The following TTBK2 variants were observed in gnomAD, a reference collection of about 807,000 sequenced individuals.
TTBK2 encodes the protein tau tubulin kinase 2.
TTBK2 carries 28 observed loss-of-function variants against 110.8 expected under a neutral mutation model. That is an observed-to-expected ratio of 0.25 (90% confidence interval 0.19 to 0.35). The LOEUF is 0.35. Among genes scored for constraint, TTBK2 ranks in the 10% least tolerant of loss-of-function variants. The pLI is 1.00. For missense variants in TTBK2, 1,369 were observed against 1,500.3 expected (o/e 0.91, Z 1.45); for synonymous variants, 532 against 527.3 (o/e 1.01, Z -0.12).
At chr15:42,779,410 A>G (rs573688204) in intron 11 of TTBK2, among the ~76,000 whole-genome samples, 2 of 147,546 alleles carry the variant, frequency 1.4e-5, no homozygotes, top group East Asian at 3.9e-4. Flanking sequence ...CCCTGTCACA[A>G]AAAAAAAAAA....
At chr15:42,908,831 T>C (rs2030572604) in intron 1 of TTBK2, among the ~76,000 whole-genome samples, 1 of 152,188 alleles carries the variant, frequency 6.6e-6, no homozygotes, top group Non-Finnish European at 1.5e-5. Context: ...ATGTTCATAG[T>C]CACATTGTCC....
intron 1 of TTBK2, among the ~76,000 whole-genome samples, chr15:42,883,500 A>C (rs1053540501): frequency 2.0e-4 from 31 of 151,990 alleles, no homozygotes; most frequent in African/African-American, 7.5e-4. Flanking sequence ...TTTATATAAC[A>C]TTTAATATTT....
intron 10 of TTBK2, among the ~76,000 whole-genome samples, chr15:42,793,509 G>T (rs1357399476): frequency 6.6e-6 from 1 of 151,998 alleles, no homozygotes; most frequent in Non-Finnish European, 1.5e-5. Flanking sequence ...CCTATAAATA[G>T]CCACTGCACT....
chr15:42,860,603 C>A (rs1894115344), intron 3 of TTBK2, among the ~76,000 whole-genome samples: 1 of 149,602 alleles, frequency 6.7e-6, no homozygotes, highest in African/African-American at 2.5e-5. Context: ...GAGACCCCAT[C>A]TCCACAAAAA....
chr15:42,888,832 T>G (rs963325945), intron 1 of TTBK2, among the ~76,000 whole-genome samples: 7 of 152,204 alleles, frequency 4.6e-5, no homozygotes, highest in African/African-American at 1.7e-4. Flanking sequence ...GCAACACTTA[T>G]GCTGATAAGG....
intron 9 of TTBK2, among the ~76,000 whole-genome samples, chr15:42,810,101 A>T (rs1891642660): frequency 6.6e-6 from 1 of 152,164 alleles, no homozygotes; most frequent in Admixed American, 6.5e-5. Context: ...TTAGGGATGT[A>T]ATTTGTAGTA....
At chr15:42,852,219 C>T (rs1278593516) in intron 3 of TTBK2, among the ~76,000 whole-genome samples, 1 of 151,998 alleles carries the variant, frequency 6.6e-6, no homozygotes, top group Non-Finnish European at 1.5e-5. Flanking sequence ...CAGGTATGCA[C>T]CACCGGGCCC....
At chr15:42,841,114 G>T (rs557825832) in intron 3 of TTBK2, among the ~76,000 whole-genome samples, 1 of 152,302 alleles carries the variant, frequency 6.6e-6, no homozygotes, top group African/African-American at 2.4e-5. Context: ...CTGACCCGAA[G>T]GCAGTGGAAA....
intron 6 of TTBK2, among the ~76,000 whole-genome samples, chr15:42,824,849 G>T (rs74830920): frequency 0.021 from 3,116 of 151,748 alleles, 105 homozygotes; most frequent in African/African-American, 0.071. Flanking sequence ...AACTTGCACA[G>T]GTGCCCCAAA....
intron 1 of TTBK2, among the ~76,000 whole-genome samples, chr15:42,896,461 A>G (rs1895672332): frequency 6.6e-6 from 1 of 152,176 alleles, no homozygotes; most frequent in African/African-American, 2.4e-5. Context: ...ACAAAATGTA[A>G]CTCATAATGT....
chr15:42,747,549 A>G (rs2061810967), intron 14 of TTBK2, among the ~76,000 whole-genome samples: 2 of 152,128 alleles, frequency 1.3e-5, no homozygotes, highest in African/African-American at 2.4e-5. Flanking sequence ...GGAGCGTACA[A>G]CCTAGATCTC....
chr15:42,869,967 T>C (rs1254800597), intron 3 of TTBK2, among the ~76,000 whole-genome samples: 1 of 152,018 alleles, frequency 6.6e-6, no homozygotes, highest in Non-Finnish European at 1.5e-5. Flanking sequence ...GTCTGAAGTC[T>C]GGAGTTACTC....
chr15:42,898,133 C>G (rs1895740219), intron 1 of TTBK2, among the ~76,000 whole-genome samples: 1 of 152,110 alleles, frequency 6.6e-6, no homozygotes, highest in Non-Finnish European at 1.5e-5. Flanking sequence ...ACGGCCTTCT[C>G]AAGTAAATGG....
intron 13 of TTBK2, among the ~76,000 whole-genome samples, chr15:42,759,389 G>A (rs971787657): frequency 2.6e-5 from 4 of 152,170 alleles, no homozygotes; most frequent in African/African-American, 7.2e-5. Flanking sequence ...GCATACCTGC[G>A]CCTTGGACCT....
intron 14 of TTBK2, among the ~76,000 whole-genome samples, chr15:42,749,067 A>T (rs1941320544): frequency 6.6e-6 from 1 of 152,178 alleles, no homozygotes; most frequent in South Asian, 2.1e-4. Context: ...GATCATCAAA[A>T]TGCAACTGGA....
chr15:42,858,398 A>C (rs1477263870), intron 3 of TTBK2, among the ~76,000 whole-genome samples: 1 of 152,200 alleles, frequency 6.6e-6, no homozygotes, highest in East Asian at 1.9e-4. Context: ...TGGGGAAAAA[A>C]TGTTGAAGGG....
At chr15:42,914,979 C>T (rs2030998064) in intron 1 of TTBK2, among the ~76,000 whole-genome samples, 1 of 152,216 alleles carries the variant, frequency 6.6e-6, no homozygotes, top group South Asian at 2.1e-4. Flanking sequence ...GATTATTTGT[C>T]TTGTTGGCTG....
intron 6 of TTBK2, among the ~76,000 whole-genome samples, chr15:42,818,928 A>AAAAAAAC (rs1567042403): frequency 6.7e-6 from 1 of 149,128 alleles, no homozygotes; most frequent in Admixed American, 6.6e-5. Flanking sequence ...GTCTCAAAAA[A>AAAAAAAC]AAAAAACAAA....
intron 14 of TTBK2, among the ~76,000 whole-genome samples, chr15:42,747,090 G>C (rs2061803652): frequency 6.6e-6 from 1 of 151,782 alleles, no homozygotes; most frequent in South Asian, 2.1e-4. Context: ...TCAGCCTCCT[G>C]AGTAGCTGGG....
Sources: allele counts gnomAD v4.1 joint callset (sites outside exome capture counted in the v4.1 genomes callset), GRCh38; gene constraint gnomAD v4.1.1; transcripts MANE v1.5; gene names NCBI Gene and HGNC (gene_info 2026-07-23, HGNC 2026-07-21).